The following APBB2 variants were observed in gnomAD, a reference collection of about 807,000 sequenced individuals.
APBB2 encodes the protein Fe65-like 1.
In APBB2, 38 loss-of-function variants were observed where a neutral mutation model predicts 82.5. That is an observed-to-expected ratio of 0.46 (90% CI 0.36 to 0.60). The LOEUF is 0.60. APBB2 is among the 20% of genes least tolerant of loss of function. APBB2 has a pLI of 0.00. For synonymous variants in APBB2, 341 were observed against 368.2 expected (o/e 0.93, Z 0.85); for missense variants, 772 against 972.3 (o/e 0.79, Z 2.74).
At chr4:41,199,802 G>A (rs10021613) in intron 1 of APBB2, among the ~76,000 whole-genome samples, 30,093 of 152,032 alleles carry the variant, frequency 0.2, 3,938 homozygotes, top group African/African-American at 0.37. Context: ...CTGTTCTTCC[G>A]GTGTCTAGTG....
intron 2 of APBB2, among the ~76,000 whole-genome samples, chr4:41,124,247 C>T (rs1327612474): frequency 6.6e-6 from 1 of 152,154 alleles, no homozygotes; most frequent in African/African-American, 2.4e-5. Flanking sequence ...GAGACAAAGT[C>T]TCACTCTGTC....
chr4:40,948,760 T>TAAAAAAA (rs34662232), intron 6 of APBB2, among the ~76,000 whole-genome samples: 1 of 83,358 alleles, frequency 1.2e-5, no homozygotes, highest in African/African-American at 4.8e-5. Flanking sequence ...ACTCCCATCT[T>TAAAAAAA]AAAAAAAAAA....
rs114217067 is a variant in APBB2, at chr4:41,041,569, T to C, written c.-50-8265A>G. 3.6e-3 allele frequency among the ~76,000 whole-genome samples: 546 copies of C among 152,334 alleles called. 2 individuals are homozygous for C. The highest frequency in any genetic ancestry group is 0.013 in the African/African-American group (526 of 41,578). ...ATACCTGCTGTTAAAAATCACAGCA[T>C]TGAGAGATCCTTAATTTACCACTTA... On this transcript the variant is annotated intron_variant, in intron 4 of 17. Coordinates refer to ENST00000508593, the MANE Select transcript of APBB2 (RefSeq NM_004307.2).
chr4:40,910,221 C>G (rs1053824485), intron 10 of APBB2, among the ~76,000 whole-genome samples: 1 of 151,374 alleles, frequency 6.6e-6, no homozygotes, highest in Non-Finnish European at 1.5e-5. Context: ...GCCGCCTCGG[C>G]CTCCTAAAGT....
intron 12 of APBB2, among the ~76,000 whole-genome samples, chr4:40,864,857 T>C (rs1360597459): frequency 6.8e-5 from 1 of 14,738 alleles, no homozygotes; most frequent in Admixed American, 5.6e-4. Flanking sequence ...TTGATTCTTT[T>C]TTTTTTTTTT....
chr4:41,187,277 T>C (rs1434979914), intron 1 of APBB2, among the ~76,000 whole-genome samples: 1 of 152,216 alleles, frequency 6.6e-6, no homozygotes, highest in East Asian at 1.9e-4. Flanking sequence ...AATGGCTTTT[T>C]ATACTTTGTT....
Position 41,013,757 on chromosome 4 carries a change from C to T in APBB2, c.661G>A (p.Gly221Ser). ...PNRPQSSPED[G>S]QVATVSSSPE... is the part of the protein sequence containing the mutation. ...CTGGATGACACTGTGGCTACTTGGC[C>T]GTCTTCAGGGCTGGACTGGGGTCTG... The change falls in exon 6 of 18, where the codon GGC (glycine) becomes AGC (serine). Residue 221 changes from glycine to serine, a missense_variant. Coordinates refer to ENST00000508593, the MANE Select transcript of APBB2 (RefSeq NM_004307.2). 1.2e-6 allele frequency: 2 copies of T among 1,614,164 alleles called. No individual in the cohort carries two copies. The highest frequency in any genetic ancestry group is 1.7e-6 in the Non-Finnish European group (2 of 1,180,018).
At chr4:40,896,215 C>G (rs990973854) in intron 10 of APBB2, among the ~76,000 whole-genome samples, 4 of 152,198 alleles carry the variant, frequency 2.6e-5, no homozygotes, top group Non-Finnish European at 4.4e-5. Flanking sequence ...CAGGTGTACA[C>G]CACCGTGCCC....
At chr4:40,974,065 G>A (rs1182902425) in intron 6 of APBB2, among the ~76,000 whole-genome samples, 1 of 151,720 alleles carries the variant, frequency 6.6e-6, no homozygotes. Context: ...CGGTGGTCAG[G>A]CTGGTCTCGA....
chr4:40,973,895 A>C (rs1185516526), intron 6 of APBB2, among the ~76,000 whole-genome samples: 8 of 145,952 alleles, frequency 5.5e-5, no homozygotes, highest in Non-Finnish European at 1.0e-4. Context: ...TCTGTCGCCC[A>C]GGTTGGAGTG....
At chr4:40,912,201 G>C (rs1277013371) in intron 10 of APBB2, among the ~76,000 whole-genome samples, 6 of 152,084 alleles carry the variant, frequency 3.9e-5, no homozygotes, top group Non-Finnish European at 8.8e-5. Flanking sequence ...TCTGACATAG[G>C]GCTGCTGTCA....
At chr4:41,013,431 A>G (rs1808934905) in intron 6 of APBB2, 152 bp downstream of exon 6, 2 of 693,012 alleles carry the variant, frequency 2.9e-6, no homozygotes, top group Middle Eastern at 4.2e-4. Flanking sequence ...ATGCAGTAAT[A>G]TTTTGCAAAT....
chr4:40,977,250 T>C (rs1797393848), intron 6 of APBB2, among the ~76,000 whole-genome samples: 1 of 152,082 alleles, frequency 6.6e-6, no homozygotes, highest in Admixed American at 6.5e-5. Flanking sequence ...CATGTAGGTG[T>C]CTTTTATTTT....
At chr4:41,114,046 C>CG (rs1750132412) in intron 2 of APBB2, 1 of 152,346 alleles carries the variant, frequency 6.6e-6, no homozygotes, top group Non-Finnish European at 1.5e-5. Context: ...CCATATTTTT[C>CG]TTATGAACAT....
At chr4:40,970,655 T>A (rs575606730) in intron 6 of APBB2, among the ~76,000 whole-genome samples, 1 of 152,194 alleles carries the variant, frequency 6.6e-6, no homozygotes, top group East Asian at 1.9e-4. Context: ...TCGGGACACA[T>A]GAAAATGTAT....
chr4:41,188,636 T>C (rs576829349), intron 1 of APBB2, among the ~76,000 whole-genome samples: 5 of 152,334 alleles, frequency 3.3e-5, no homozygotes, highest in Admixed American at 2.0e-4. Flanking sequence ...GAAATAAGTG[T>C]CTGTTGTTTT....
intron 3 of APBB2, among the ~76,000 whole-genome samples, chr4:41,066,962 G>C (rs151178903): frequency 6.6e-6 from 1 of 152,286 alleles, no homozygotes; most frequent in African/African-American, 2.4e-5. Flanking sequence ...TAGGGCAGTA[G>C]AAGTAGGTAG....
intron 6 of APBB2, among the ~76,000 whole-genome samples, chr4:40,956,450 G>A (rs10014751): frequency 0.96 from 145,950 of 152,276 alleles, 70,158 homozygotes; most frequent in South Asian, 1. Flanking sequence ...CTGGCCTGCT[G>A]GAGGGGAGGA....
intron 4 of APBB2, among the ~76,000 whole-genome samples, chr4:41,044,446 G>C (rs1323413281): frequency 6.6e-6 from 1 of 152,002 alleles, no homozygotes; most frequent in African/African-American, 2.4e-5. Flanking sequence ...TTATTATCTT[G>C]AGATGTCCCA....
Sources: allele counts gnomAD v4.1 joint callset (sites outside exome capture counted in the v4.1 genomes callset), GRCh38; gene constraint gnomAD v4.1.1; transcripts MANE v1.5; gene names NCBI Gene and HGNC (gene_info 2026-07-23, HGNC 2026-07-21).